USP31: variants seen among roughly 807,000 people sequenced by gnomAD.
USP31 encodes the protein ubiquitin carboxyl-terminal hydrolase 31.
Under a neutral mutation model 119.4 loss-of-function variants are expected in USP31, and 44 were observed. The ratio of observed to expected loss-of-function variants is 0.37; its 90% confidence interval spans 0.29 to 0.47. The LOEUF (loss-of-function observed/expected upper bound fraction) is 0.47. Among genes scored for constraint, USP31 ranks in the 20% least tolerant of loss-of-function variants. USP31 has a pLI of 0.99. For missense variants in USP31, 1,643 were observed against 1,730.2 expected, an observed-to-expected ratio of 0.95 and a Z score of 0.89; for synonymous variants, 749 against 705.6, an observed-to-expected ratio of 1.06 and a Z score of -0.97.
intron 14 of USP31, chr16:23,072,407 C>T (rs745998724): frequency 7.6e-5 from 49 of 643,840 alleles, no homozygotes; most frequent in South Asian, 1.3e-4. Context: ...GACTTCCTGA[C>T]GCATGAAATT....
At position 23,068,378 on chromosome 16, in the gene USP31, C is replaced by T. The variant is rs1900179621; in HGVS notation, c.3727G>A (p.Asp1243Asn). 3 of 1,614,110 alleles carry T rather than the reference C, an allele frequency of 1.9e-6. No homozygotes were observed. The South Asian group carries it at 3.3e-5, about 18-fold the overall frequency. ...LRQKETRRST[D>N]LGKTALLSKK... ...GAGAGCAAGGCTGTCTTGCCAAGAT[C>T]CGTCGAGCGCCGGGTTTCCTTCTGT... The change falls in exon 16 of 16, where the codon GAT becomes AAT. Residue 1243 changes from aspartate (D) to asparagine (N), a missense_variant. Asp to Asn is a conservative substitution (Grantham distance 23, BLOSUM62 1). Transcript: ENST00000219689.
chr16:23,080,699 T>C (rs539587660), intron 12 of USP31, among the ~76,000 whole-genome samples: 27 of 152,334 alleles, frequency 1.8e-4, no homozygotes, highest in African/African-American at 3.8e-4. Context: ...ATTAAACCTA[T>C]AGGGAAATGC....
Position 23,139,086 on chromosome 16 carries a change from G to T in USP31, c.633+9552C>A, listed in dbSNP as rs1442320534. 4.0e-3 allele frequency among the ~76,000 whole-genome samples: 610 copies of T among 152,268 alleles called. 6 individuals carry two copies. Among genetic ancestry groups the T allele is most frequent in the African/African-American group, 0.013 (554 of 41,552 alleles). On this transcript the variant is annotated intron_variant, in intron 1 of 15. Transcript: ENST00000219689. The stretch of plus-strand genomic sequence containing the variant: ...TATCCTGTCTGCAAAATACCAACCT[G>T]ATTTGTTTCTTAATGGGCATAAATT...
chr16:23,080,526 G>A (rs937727901), intron 12 of USP31, among the ~76,000 whole-genome samples: 3 of 152,154 alleles, frequency 2.0e-5, no homozygotes, highest in African/African-American at 4.8e-5. Context: ...AACTAATGAT[G>A]TGATGGCTCC....
chr16:23,103,301 G>GA (rs917157371), intron 5 of USP31, among the ~76,000 whole-genome samples: 21 of 147,200 alleles, frequency 1.4e-4, no homozygotes, highest in East Asian at 5.9e-4. Flanking sequence ...TATTTGTATT[G>GA]AAAAAAAAAA....
chr16:23,130,279 T>C (rs1441453443), intron 1 of USP31, among the ~76,000 whole-genome samples: 1 of 152,194 alleles, frequency 6.6e-6, no homozygotes, highest in Non-Finnish European at 1.5e-5. Flanking sequence ...AAGATTCATC[T>C]GGCAGCAACC....
At chr16:23,132,585 T>C (rs1903062886) in intron 1 of USP31, among the ~76,000 whole-genome samples, 1 of 152,214 alleles carries the variant, frequency 6.6e-6, no homozygotes, top group African/African-American at 2.4e-5. Context: ...AAAGCATCTA[T>C]ATGATTACAG....
Position 23,146,527 on chromosome 16 carries a change from C to A in USP31, c.633+2111G>T, listed in dbSNP as rs534360768. Among the ~76,000 whole-genome samples the A allele has an allele frequency of 2.2e-3, 329 of 152,086 alleles. 1 individual carries two copies. The highest frequency in any genetic ancestry group is 7.7e-3 in the African/African-American group (319 of 41,482). On this transcript the variant is annotated intron_variant, in intron 1 of 15. Transcript: ENST00000219689. Reference sequence around the variant, plus strand: ...TGGGCGACAGAGTGAGACTCCATCTCAAAAATAATAATAATAATAATAATT... The same window carrying A: ...TGGGCGACAGAGTGAGACTCCATCTAAAAAATAATAATAATAATAATAATT...
intron 1 of USP31, 37 bp from the exon 2 acceptor site, chr16:23,108,220 G>C (rs1402286649): frequency 6.4e-7 from 1 of 1,563,914 alleles, no homozygotes; most frequent in Non-Finnish European, 8.6e-7. Context: ...ACAGCTGTGA[G>C]TTCCTGGCTT....
Position 23,118,079 on chromosome 16 carries a change from G to A in USP31, c.634-9896C>T, listed in dbSNP as rs186008018. ...GCTGGGATTACAGGTGTCAGTCACT[G>A]CACCCGAACTTTCTACCATTTTTTA... On this transcript the variant is annotated intron_variant, in intron 1 of 15. Transcript: ENST00000219689. 7.9e-5 allele frequency among the ~76,000 whole-genome samples: 12 copies of A among 152,208 alleles called. No individual in the cohort carries two copies. In the East Asian group the frequency reaches 1.5e-3, roughly 20 times the overall value.
chr16:23,098,014 G>A (rs1318272423), intron 6 of USP31, among the ~76,000 whole-genome samples: 7 of 151,944 alleles, frequency 4.6e-5, no homozygotes, highest in Non-Finnish European at 7.4e-5. Flanking sequence ...ATTCAATTAG[G>A]AAAAGAGGAA....
At chr16:23,146,966 T>TA (rs35550112) in intron 1 of USP31, among the ~76,000 whole-genome samples, 230 of 131,684 alleles carry the variant, frequency 1.7e-3, no homozygotes, top group Middle Eastern at 0.015. Flanking sequence ...TTGTTCTGTT[T>TA]AAAAAAAAAA....
chr16:23,072,239 C>T (rs1276747885), intron 14 of USP31, 42 bp from the exon 15 acceptor site: 1 of 1,575,620 alleles, frequency 6.3e-7, no homozygotes, highest in African/African-American at 1.3e-5. Flanking sequence ...GCTGGGGTCC[C>T]TCGGCCAGCC....
Position 23,068,920 on chromosome 16 carries a change from AGAG to A in USP31, c.3182_3184del (p.Pro1061del), listed in dbSNP as rs112725328. The A allele has an allele frequency of 1.3e-3, 2,141 of 1,613,292 alleles. 26 individuals are homozygous for A. The African/African-American group carries it at 0.022, about 17-fold the overall frequency. On this transcript the variant is annotated inframe_deletion, in exon 16 of 16. Coordinates refer to ENST00000219689, the MANE Select transcript of USP31 (RefSeq NM_020718.4). Reference sequence around the variant, plus strand: ...GGGCTTTAGAGAGACTTTTACAGGAAGAGGAGAAGAAGGGGATGTACTTGAAAG... The same window carrying A: ...GGGCTTTAGAGAGACTTTTACAGGAAGAGAAGAAGGGGATGTACTTGAAAG...
rs1179656215 is a variant in USP31 at position 23,062,047 on chromosome 16, G to A, written c.*5999C>T. On this transcript the variant is annotated 3_prime_UTR_variant, in exon 16 of 16. Coordinates refer to ENST00000219689, the MANE Select transcript of USP31 (RefSeq NM_020718.4). Reference sequence around the variant, plus strand: ...AGGAAATTTCATATTGCATTTGGACGACTGCAACAGATATCATTATTCTGG... The same window carrying A: ...AGGAAATTTCATATTGCATTTGGACAACTGCAACAGATATCATTATTCTGG... The A allele has an allele frequency of 6.6e-6, 1 of 152,616 alleles. No homozygotes were observed. 9.5% of individuals were successfully genotyped at this position (152,616 alleles called of 1,614,324 possible).
At chr16:23,102,210 C>T (rs1901906557) in intron 6 of USP31, 109 bp downstream of exon 6, 3 of 1,205,342 alleles carry the variant, frequency 2.5e-6, no homozygotes, top group South Asian at 4.4e-5. Context: ...GTGTATTTTA[C>T]CACAATTTAA....
In USP31 at chr16:23,136,350, C is replaced by T. The variant is rs147067031; in HGVS notation, c.633+12288G>A. Among the ~76,000 whole-genome samples, 15 of 152,188 alleles carry T rather than the reference C, an allele frequency of 9.9e-5. No individual in the cohort carries two copies. The East Asian group carries it at 2.5e-3, about 25-fold the overall frequency. ...CAAAAGAAAAACTAGAAAAAGTGGA[C>T]GTCATCAAAATTAAAAACTTGGCTG... On this transcript the variant is annotated intron_variant, in intron 1 of 15. Transcript: ENST00000219689.
At chr16:23,136,784 C>A (rs939093398) in intron 1 of USP31, among the ~76,000 whole-genome samples, 5 of 152,140 alleles carry the variant, frequency 3.3e-5, no homozygotes, top group Admixed American at 3.3e-4. Context: ...GAACTCTTAA[C>A]AATTCATCAC....
intron 6 of USP31, among the ~76,000 whole-genome samples, chr16:23,098,064 C>T (rs1206028665): frequency 6.6e-6 from 1 of 151,300 alleles, no homozygotes; most frequent in Non-Finnish European, 1.5e-5. Context: ...GATTGTATAT[C>T]TAGAAAACCC....
Sources: allele counts gnomAD v4.1 joint callset (sites outside exome capture counted in the v4.1 genomes callset), GRCh38; gene constraint gnomAD v4.1.1; transcripts MANE v1.5; gene names NCBI Gene and HGNC (gene_info 2026-07-23, HGNC 2026-07-21).